Variants in NPHP1 observed in about 807,000 individuals in gnomAD.
NPHP1 encodes the protein nephrocystin 1.
Under a neutral mutation model 90.4 loss-of-function variants are expected in NPHP1, and 70 were observed. That is an observed-to-expected ratio of 0.77 (90% CI 0.64 to 0.95). The LOEUF (loss-of-function observed/expected upper bound fraction) is 0.95. Among genes scored for constraint, NPHP1 ranks in the 40% least tolerant of loss-of-function variants. The probability of loss-of-function intolerance (pLI) is 0.00; values close to 1 mark genes in which losing one functional copy is unlikely to be tolerated. For missense variants in NPHP1, 764 were observed against 795.9 expected, an observed-to-expected ratio of 0.96 and a Z score of 0.48; for synonymous variants, 256 against 271.7, an observed-to-expected ratio of 0.94 and a Z score of 0.57.
chr2:110,132,889 A>G (rs1679895540), intron 16 of NPHP1, among the ~76,000 whole-genome samples: 1 of 152,190 alleles, frequency 6.6e-6, no homozygotes, highest in East Asian at 1.9e-4. Context: ...GTAACCACAA[A>G]GAAAATAACT....
intron 2 of NPHP1, chr2:110,184,655 G>A: frequency 1.3e-6 from 1 of 776,394 alleles, no homozygotes; most frequent in Non-Finnish European, 2.3e-6. Flanking sequence ...ACCTGCATAA[G>A]GAGGGCTATG....
intron 2 of NPHP1, among the ~76,000 whole-genome samples, chr2:110,189,227 C>T (rs1271985156): frequency 6.6e-6 from 1 of 152,156 alleles, no homozygotes; most frequent in Admixed American, 6.5e-5. Flanking sequence ...CTTGGTCTCA[C>T]TGACTTCAAG....
At chr2:110,163,276 C>T (rs946677740) in intron 8 of NPHP1, 141 bp from the exon 9 acceptor site, 8 of 688,160 alleles carry the variant, frequency 1.2e-5, no homozygotes, top group African/African-American at 1.8e-5. Flanking sequence ...ACGATTTGGC[C>T]CCAAATTCCT....
intron 16 of NPHP1, among the ~76,000 whole-genome samples, chr2:110,136,352 G>GTATT (rs1388961672): frequency 3.9e-5 from 6 of 152,106 alleles, no homozygotes; most frequent in African/African-American, 1.4e-4. Context: ...GAAATAAAGG[G>GTATT]TATTCAATTA....
intron 1 of NPHP1, among the ~76,000 whole-genome samples, chr2:110,204,216 C>T (rs774421762): frequency 3.3e-5 from 5 of 152,144 alleles, no homozygotes; most frequent in Non-Finnish European, 7.4e-5. Context: ...ACCTTATACA[C>T]GGGAGCAGTG....
At chr2:110,184,844 C>G (rs764682263) in intron 2 of NPHP1, 5 of 703,588 alleles carry the variant, frequency 7.1e-6, no homozygotes, top group Non-Finnish European at 1.3e-5. Flanking sequence ...TTCCCAATTC[C>G]GGGCCCCTGA....
chr2:110,159,027 A>G (rs1682113457), intron 11 of NPHP1, among the ~76,000 whole-genome samples: 1 of 151,948 alleles, frequency 6.6e-6, no homozygotes, highest in African/African-American at 2.4e-5. Flanking sequence ...CTTACCTCTT[A>G]AGATGATCAT....
chr2:110,165,083 C>T lies in NPHP1; in HGVS notation c.697G>A (p.Glu233Lys), dbSNP rs777193489. Residue 233 changes from glutamate to lysine, a missense_variant, in exon 7 of 20, where the codon GAA (glutamate) becomes AAA (lysine). Physicochemically the swap from Glu to Lys is moderately conservative, Grantham distance 56. Transcript: ENST00000445609. ...TTAACTTCTGCTCCATCTGCTGTTT[C>T]ATCCACCGCCTCTACATCTTCTTCA... ...GSEEDVEAVD[E>K]TADGAEVKQR... The T allele has an allele frequency of 1.2e-6, 2 of 1,613,594 alleles. No individual in the cohort carries two copies. The highest frequency in any genetic ancestry group is 4.5e-5 in the East Asian group (2 of 44,854).
chr2:110,181,460 G>A (rs1371917046), intron 2 of NPHP1, among the ~76,000 whole-genome samples: 2 of 152,112 alleles, frequency 1.3e-5, no homozygotes, highest in African/African-American at 2.4e-5. Flanking sequence ...TTGCTGTTTT[G>A]CAGCCTTCAC....
intron 11 of NPHP1, among the ~76,000 whole-genome samples, chr2:110,157,473 C>T (rs1681994486): frequency 6.6e-6 from 1 of 152,066 alleles, no homozygotes; most frequent in Admixed American, 6.6e-5. Flanking sequence ...GAAATAAAGG[C>T]ATTTTCTTCA....
intron 2 of NPHP1, chr2:110,185,241 TG>T: frequency 2.0e-6 from 1 of 497,110 alleles, no homozygotes. Context: ...CTCGCTTTGT[TG>T]AGTCAGAGTG....
At chr2:110,152,861 C>T (rs918233972) in intron 11 of NPHP1, among the ~76,000 whole-genome samples, 7 of 151,786 alleles carry the variant, frequency 4.6e-5, no homozygotes, top group South Asian at 2.1e-4. Context: ...TAGAGGGAAA[C>T]GGCACTGGAA....
rs578228374 is a variant in NPHP1, at chr2:110,196,868, G to A, written c.143+4553C>T. Among the ~76,000 whole-genome samples, 24 of 152,224 alleles carry A rather than the reference G, an allele frequency of 1.6e-4. 1 individual carries two copies. Among genetic ancestry groups the A allele is most frequent in the Admixed American group, 1.4e-3 (22 of 15,290 alleles). On this transcript the variant is annotated intron_variant, in intron 2 of 19. Coordinates refer to ENST00000445609, the MANE Select transcript of NPHP1 (RefSeq NM_001128178.3). ...TGTCCTTTGAAGGGACATGGATGAA[G>A]CTGGAAACCATCATACTGAGCAAAT...
intron 2 of NPHP1, among the ~76,000 whole-genome samples, chr2:110,193,902 T>C (rs138298738): frequency 0.01 from 1,561 of 152,214 alleles, 26 homozygotes; most frequent in African/African-American, 0.036. Flanking sequence ...TGCTCCGGAA[T>C]GACTACTGGA....
intron 11 of NPHP1, among the ~76,000 whole-genome samples, chr2:110,159,017 C>T (rs1055239140): frequency 1.3e-5 from 2 of 151,590 alleles, no homozygotes; most frequent in African/African-American, 4.8e-5. Flanking sequence ...ATGTTTTTTC[C>T]TTACCTCTTA....
At chr2:110,128,681 C>T (rs1277110085) in intron 18 of NPHP1, 2 of 167,236 alleles carry the variant, frequency 1.2e-5, no homozygotes, top group African/African-American at 4.8e-5. Context: ...ATGCATGCAG[C>T]TCTTCTACTT....
At chr2:110,144,381 A>G in intron 15 of NPHP1, 112 bp downstream of exon 15, 1 of 703,578 alleles carries the variant, frequency 1.4e-6, no homozygotes, top group Non-Finnish European at 2.5e-6. Context: ...ACATATTTTT[A>G]AAAGTGTGAA....
chr2:110,146,886 T>C, intron 13 of NPHP1, 51 bp from the exon 14 acceptor site: 5 of 1,263,332 alleles, frequency 4.0e-6, no homozygotes, highest in Non-Finnish European at 5.8e-6. Flanking sequence ...TAGTCAAATT[T>C]ATAAGCACAT....
At position 110,123,908 on chromosome 2, in the gene NPHP1, G is replaced by T. The variant is rs1383614273; in HGVS notation, c.1917C>A (p.Asn639Lys). The change falls in exon 20 of 20, where the codon AAC (asparagine) becomes AAA (lysine). Residue 639 changes from asparagine to lysine, a missense_variant. Physicochemically the swap from Asn to Lys is moderately conservative, Grantham distance 94. Coordinates refer to ENST00000445609, the MANE Select transcript of NPHP1 (RefSeq NM_001128178.3). ...WKVITDFLKQNQENQGALQAL... is the reference protein window; with the variant it reads ...WKVITDFLKQKQENQGALQAL... ...CTTGGAGGGCGCCCTGGTTTTCTTGGTTTTGCTTAAGGAAGTCAGTGATAA... is the reference window on the plus strand; with the variant it reads ...CTTGGAGGGCGCCCTGGTTTTCTTGTTTTTGCTTAAGGAAGTCAGTGATAA... 2.3e-5 allele frequency: 37 copies of T among 1,614,096 alleles called. No individual in the cohort carries two copies. Among genetic ancestry groups the T allele is most frequent in the Non-Finnish European group, 3.1e-5 (37 of 1,180,016 alleles).
Sources: allele counts gnomAD v4.1 joint callset (sites outside exome capture counted in the v4.1 genomes callset), GRCh38; gene constraint gnomAD v4.1.1; transcripts MANE v1.5; gene names NCBI Gene and HGNC (gene_info 2026-07-23, HGNC 2026-07-21).